The following SCN9A variants were observed in gnomAD, a reference collection of about 807,000 sequenced individuals.
SCN9A encodes the protein sodium voltage-gated channel alpha subunit 9, also known as sodium channel protein type 9 subunit alpha.
SCN9A carries 131 observed loss-of-function variants against 187.0 expected under a neutral mutation model. The observed-to-expected ratio is 0.70, with a 90% CI of 0.61 to 0.81. The LOEUF (loss-of-function observed/expected upper bound fraction) is 0.81, where lower values mean the gene tolerates loss of function less well. SCN9A is among the 30% of genes least tolerant of loss of function. The probability of loss-of-function intolerance (pLI) is 0.00; values close to 1 mark genes in which losing one functional copy is unlikely to be tolerated. For missense variants in SCN9A, 2,252 were observed against 2,396.6 expected, an observed-to-expected ratio of 0.94 and a Z score of 1.26; for synonymous variants, 809 against 808.6, an observed-to-expected ratio of 1.00 and a Z score of -0.01.
At chr2:166,291,301 A>AGT (rs1698057830) in intron 9 of SCN9A, among the ~76,000 whole-genome samples, 1 of 152,192 alleles carries the variant, frequency 6.6e-6, no homozygotes, top group African/African-American at 2.4e-5. Context: ...GCAGAGAGCC[A>AGT]AATCATGAAT....
chr2:166,329,235 TA>T (rs1038505687), intron 1 of SCN9A, among the ~76,000 whole-genome samples: 1 of 152,076 alleles, frequency 6.6e-6, no homozygotes, highest in African/African-American at 2.4e-5. Flanking sequence ...AAGATTAAAG[TA>T]AAAAAATGCC....
chr2:166,213,771 C>G (rs1461843467), intron 24 of SCN9A, among the ~76,000 whole-genome samples: 1 of 152,076 alleles, frequency 6.6e-6, no homozygotes, highest in Non-Finnish European at 1.5e-5. Context: ...TATTTTTTCT[C>G]TCATGGACGT....
intron 1 of SCN9A, among the ~76,000 whole-genome samples, chr2:166,362,128 G>A (rs1467145959): frequency 1.3e-5 from 2 of 152,126 alleles, no homozygotes; most frequent in African/African-American, 4.8e-5. Context: ...ATTAGCAAAG[G>A]AAGGGGGTAA....
At chr2:166,252,148 A>G (rs936477555) in intron 17 of SCN9A, among the ~76,000 whole-genome samples, 5 of 151,982 alleles carry the variant, frequency 3.3e-5, no homozygotes, top group African/African-American at 4.8e-5. Context: ...CCAAAATTAG[A>G]TAAGGTAATA....
intron 10 of SCN9A, among the ~76,000 whole-genome samples, chr2:166,287,074 T>C (rs1325741868): frequency 7.9e-5 from 12 of 152,126 alleles, no homozygotes; most frequent in Admixed American, 7.9e-4. Flanking sequence ...CATAATATTG[T>C]AAGAAAGTGG....
At chr2:166,342,799 G>T (rs1275062167) in intron 1 of SCN9A, among the ~76,000 whole-genome samples, 1 of 152,024 alleles carries the variant, frequency 6.6e-6, no homozygotes, top group East Asian at 1.9e-4. Flanking sequence ...AACTTTTAAA[G>T]ATAAGAATGA....
At chr2:166,351,665 T>TCC (rs1406512274) in intron 1 of SCN9A, among the ~76,000 whole-genome samples, 1 of 152,166 alleles carries the variant, frequency 6.6e-6, no homozygotes, top group African/African-American at 2.4e-5. Context: ...GAGAATACAG[T>TCC]AAGACCATCC....
intron 12 of SCN9A, 39 bp downstream of exon 12, chr2:166,284,414 A>C: frequency 6.4e-7 from 1 of 1,562,280 alleles, no homozygotes; most frequent in Non-Finnish European, 8.7e-7. Context: ...TGCAGGAACA[A>C]GGGCCCAGCC....
At chr2:166,279,234 A>C (rs928971268) in intron 14 of SCN9A, among the ~76,000 whole-genome samples, 1 of 152,196 alleles carries the variant, frequency 6.6e-6, no homozygotes, top group African/African-American at 2.4e-5. Context: ...CAGCGAGCAC[A>C]TGGGGAAAAA....
intron 16 of SCN9A, among the ~76,000 whole-genome samples, chr2:166,273,937 A>G (rs1169636067): frequency 1.3e-5 from 2 of 152,204 alleles, no homozygotes. Context: ...AGTCTGATTT[A>G]GGAGAAAATT....
chr2:166,211,228 A>G (rs1162934799), intron 24 of SCN9A, among the ~76,000 whole-genome samples: 3 of 152,186 alleles, frequency 2.0e-5, no homozygotes, highest in Non-Finnish European at 2.9e-5. Context: ...AGAGCAAATA[A>G]AGTGAAAGTA....
intron 1 of SCN9A, among the ~76,000 whole-genome samples, chr2:166,337,577 G>A (rs956255998): frequency 7.2e-5 from 11 of 152,080 alleles, no homozygotes; most frequent in African/African-American, 2.7e-4. Context: ...AGCTTGAATG[G>A]AAGTATTTTA....
In SCN9A at chr2:166,204,227, T is replaced by G. The variant is rs1558945369; in HGVS notation, c.4504-2A>C. The G allele has an allele frequency of 1.2e-6, 2 of 1,607,208 alleles. No individual in the cohort carries two copies. Among genetic ancestry groups the G allele is most frequent in the Non-Finnish European group, 1.7e-6 (2 of 1,176,658 alleles). On this transcript the variant is annotated splice_acceptor_variant, in intron 25 of 26. Coordinates refer to ENST00000642356, the MANE Select transcript of SCN9A (RefSeq NM_001365536.1). LOFTEE classifies it high-confidence loss of function. ...AAATATACATCCTTGGATTTTGTTC[T>G]GCAAAGAAATAAGAATAATATCGAA...
At chr2:166,326,908 T>C (rs956801486) in intron 1 of SCN9A, among the ~76,000 whole-genome samples, 1 of 152,160 alleles carries the variant, frequency 6.6e-6, no homozygotes, top group African/African-American at 2.4e-5. Flanking sequence ...AACATTCAGA[T>C]AACTAAAGGT....
rs557790929 is a variant in SCN9A at position 166,218,069 on chromosome 2, A to G, written c.4398+8498T>C. ...ACTTTTGCACTAACCCATACATGCA[A>G]CCTGTACCCATCAACAGGTGAATGA... is the stretch of plus-strand genomic sequence containing the variant. On this transcript the variant is annotated intron_variant, in intron 24 of 26. Transcript: ENST00000642356. 3.3e-5 allele frequency among the ~76,000 whole-genome samples: 5 copies of G among 152,114 alleles called. No individual in the cohort carries two copies. In the South Asian group the frequency reaches 1.0e-3, roughly 32 times the overall value.
chr2:166,285,170 ACTT>A (rs1304978098), intron 11 of SCN9A, among the ~76,000 whole-genome samples: 4 of 152,206 alleles, frequency 2.6e-5, no homozygotes, highest in African/African-American at 9.6e-5. Flanking sequence ...TGGTCATTCA[ACTT>A]TTTATATATC....
rs201391809 is a variant in SCN9A, at chr2:166,284,683, C to T, written c.1744G>A (p.Glu582Lys). The T allele has an allele frequency of 6.9e-5, 111 of 1,613,858 alleles. No individual in the cohort carries two copies. Among genetic ancestry groups the T allele is most frequent in the Non-Finnish European group, 6.9e-5 (82 of 1,179,882 alleles). Residue 582 changes from glutamate (E) to lysine (K), a missense_variant, in exon 12 of 27, where the codon GAG becomes AAG. Physicochemically the swap from Glu to Lys is moderately conservative, Grantham distance 56. Around this residue, in one of 7 missense-constraint regions of SCN9A, gnomAD observed 1,013 missense variants for 997.4 expected, o/e 1.02. Coordinates refer to ENST00000642356, the MANE Select transcript of SCN9A (RefSeq NM_001365536.1). ...ACAAACAGTGAGCCCCTTCTGCTCT[C>T]ATTGTCTCCAAAAATGCTGTGCTCA... ...DDEHSIFGDN[E>K]SRRGSLFVPH...
chr2:166,233,296 C>T, intron 21 of SCN9A, 44 bp downstream of exon 21: 1 of 1,342,340 alleles, frequency 7.4e-7, no homozygotes, highest in African/African-American at 1.5e-5. Context: ...TATTTTAAAC[C>T]CCATTAAAAA....
At chr2:166,215,917 C>A (rs1235118258) in intron 24 of SCN9A, among the ~76,000 whole-genome samples, 1 of 151,952 alleles carries the variant, frequency 6.6e-6, no homozygotes, top group Middle Eastern at 3.4e-3. Flanking sequence ...TATGAAAACC[C>A]TAAGAGTATG....
Sources: allele counts gnomAD v4.1 joint callset (sites outside exome capture counted in the v4.1 genomes callset), GRCh38; gene constraint gnomAD v4.1.1; regional missense constraint gnomAD v4.1.1; transcripts MANE v1.5; gene names NCBI Gene and HGNC (gene_info 2026-07-23, HGNC 2026-07-21).